Variants in AGPAT3 observed in about 807,000 individuals in gnomAD.
AGPAT3 encodes the protein 1-acyl-sn-glycerol-3-phosphate acyltransferase gamma.
In AGPAT3, 5 loss-of-function variants were observed where a neutral mutation model predicts 47.3. The observed-to-expected ratio is 0.11, with a 90% CI of 0.06 to 0.22. The LOEUF is 0.22. Among genes scored for constraint, AGPAT3 ranks in the 10% least tolerant of loss-of-function variants. The pLI is 1.00. For synonymous variants in AGPAT3, 212 were observed against 208.3 expected, an observed-to-expected ratio of 1.02 and a Z score of -0.15; for missense variants, 315 against 493.0, an observed-to-expected ratio of 0.64 and a Z score of 3.42.
chr21:43,887,901 C>T (rs1272665122), intron 1 of AGPAT3, among the ~76,000 whole-genome samples: 2 of 152,214 alleles, frequency 1.3e-5, no homozygotes, highest in African/African-American at 4.8e-5. Flanking sequence ...TGAACTCCTG[C>T]CTCAGCCTCC....
chr21:43,882,578 A>G (rs1014124359), intron 1 of AGPAT3: 11 of 152,262 alleles, frequency 7.2e-5, no homozygotes, highest in African/African-American at 2.4e-4. Context: ...TTTGCATCAC[A>G]GTTGGAGTCA....
chr21:43,911,427 A>G (rs2086630775), intron 2 of AGPAT3, among the ~76,000 whole-genome samples: 1 of 152,274 alleles, frequency 6.6e-6, no homozygotes, highest in Non-Finnish European at 1.5e-5. Context: ...GGTCAGAAGC[A>G]GCCTGTCCAG....
rs1046171565 is a variant in AGPAT3 at position 43,922,101 on chromosome 21, G to C, written c.-49+18082G>C. The stretch of plus-strand genomic sequence containing the variant: ...GGGGGAGATTTTTTATAATGGAAAA[G>C]GTTTCCTTTTTTGGAAGTCACCTGG... On this transcript the variant is annotated intron_variant, in intron 2 of 9. Coordinates refer to ENST00000291572, the MANE Select transcript of AGPAT3 (RefSeq NM_020132.5). This position sits in a 1 kb window ranked among gnomAD's most constrained non-coding sequence, Gnocchi z 4.9. 2.6e-5 allele frequency among the ~76,000 whole-genome samples: 4 copies of C among 152,194 alleles called. No homozygotes were observed. Among genetic ancestry groups the C allele is most frequent in the African/African-American group, 7.2e-5 (3 of 41,456 alleles).
chr21:43,944,310 G>A (rs575389845), intron 2 of AGPAT3, among the ~76,000 whole-genome samples: 4 of 152,252 alleles, frequency 2.6e-5, no homozygotes, highest in Admixed American at 1.3e-4. Context: ...CCTGCATTGC[G>A]GCTGGGCAGG....
At chr21:43,968,208 A>G (rs1382414195) in intron 4 of AGPAT3, 93 bp downstream of exon 4, 9 of 452,362 alleles carry the variant, frequency 2.0e-5, no homozygotes, top group South Asian at 8.9e-5. Context: ...CGGGGTGAGC[A>G]GGGGGTCCCT....
intron 1 of AGPAT3, among the ~76,000 whole-genome samples, chr21:43,896,839 T>C (rs2086226640): frequency 6.6e-6 from 1 of 152,152 alleles, no homozygotes; most frequent in Non-Finnish European, 1.5e-5. Flanking sequence ...CATGTCTCTT[T>C]TATTTTTTTA....
chr21:43,979,965 T>C (rs919971221), intron 8 of AGPAT3, among the ~76,000 whole-genome samples: 10 of 152,102 alleles, frequency 6.6e-5, no homozygotes, highest in Admixed American at 2.6e-4. Flanking sequence ...AGCTCAGTGA[T>C]AACAGTCTCC....
intron 2 of AGPAT3, among the ~76,000 whole-genome samples, chr21:43,935,537 C>T (rs2087415752): frequency 1.3e-5 from 2 of 152,256 alleles, no homozygotes; most frequent in Admixed American, 6.5e-5. Flanking sequence ...AGGGCGGCCT[C>T]TGCACGCAGT....
chr21:43,909,916 G>A, intron 2 of AGPAT3, among the ~76,000 whole-genome samples: 1 of 152,198 alleles, frequency 6.6e-6, no homozygotes, highest in East Asian at 1.9e-4. Context: ...CCTCATCATG[G>A]AGAGGGTGGT....
At chr21:43,980,133 T>A (rs2089785857) in intron 8 of AGPAT3, among the ~76,000 whole-genome samples, 1 of 151,120 alleles carries the variant, frequency 6.6e-6, no homozygotes, top group South Asian at 2.1e-4. Flanking sequence ...ATACAAAAAT[T>A]AGCGCAGTAG....
intron 2 of AGPAT3, among the ~76,000 whole-genome samples, chr21:43,928,109 A>G (rs2087117359): frequency 6.6e-6 from 1 of 152,068 alleles, no homozygotes; most frequent in African/African-American, 2.4e-5. Context: ...CGCAGCAGAA[A>G]CGGAATAACC....
At chr21:43,918,108 TTG>T (rs1447100471) in intron 2 of AGPAT3, among the ~76,000 whole-genome samples, 3 of 130,368 alleles carry the variant, frequency 2.3e-5, no homozygotes, top group Non-Finnish European at 3.2e-5. Context: ...GTTGTGGGTG[TTG>T]TGTTATGGGT....
intron 4 of AGPAT3, among the ~76,000 whole-genome samples, chr21:43,968,864 C>T (rs2146751699): frequency 6.6e-6 from 1 of 152,290 alleles, no homozygotes; most frequent in East Asian, 1.9e-4. Flanking sequence ...GGAAGCCTGG[C>T]AGCCTCTGCA....
At chr21:43,936,508 T>C (rs2087453748) in intron 2 of AGPAT3, among the ~76,000 whole-genome samples, 1 of 152,256 alleles carries the variant, frequency 6.6e-6, no homozygotes, top group Non-Finnish European at 1.5e-5. Flanking sequence ...TGTCTCCTCA[T>C]GTACAAGGAT....
intron 1 of AGPAT3, among the ~76,000 whole-genome samples, chr21:43,884,723 TCTGGTGCTGGATGCTGGGTGGC>T (rs1224258862): frequency 6.7e-6 from 1 of 148,882 alleles, no homozygotes; most frequent in Non-Finnish European, 1.5e-5. Flanking sequence ...TGCTGGGTGG[TCTGGTGCTGGATGCTGGGTGGC>T]CTGGTGCTGG....
chr21:43,900,450 G>A (rs1289112945), intron 1 of AGPAT3, among the ~76,000 whole-genome samples: 1 of 152,200 alleles, frequency 6.6e-6, no homozygotes, highest in Non-Finnish European at 1.5e-5. Flanking sequence ...GGCCTCAGTA[G>A]CCCAGCGTGT....
intron 2 of AGPAT3, among the ~76,000 whole-genome samples, chr21:43,915,114 A>C (rs2086699307): frequency 6.6e-6 from 1 of 152,100 alleles, no homozygotes; most frequent in Non-Finnish European, 1.5e-5. Context: ...GCTGGAGTGC[A>C]GTGATGCAGT....
At chr21:43,904,699 C>T (rs1453360938) in intron 2 of AGPAT3, among the ~76,000 whole-genome samples, 1 of 152,184 alleles carries the variant, frequency 6.6e-6, no homozygotes, top group Non-Finnish European at 1.5e-5. Flanking sequence ...CATAGGGCCC[C>T]TGCCCACTGC....
At chr21:43,902,969 C>G (rs1478722045) in intron 1 of AGPAT3, among the ~76,000 whole-genome samples, 1 of 152,126 alleles carries the variant, frequency 6.6e-6, no homozygotes, top group Non-Finnish European at 1.5e-5. Context: ...CACGGCGACT[C>G]CAGCCTGGGT....
Sources: allele counts gnomAD v4.1 joint callset (sites outside exome capture counted in the v4.1 genomes callset), GRCh38; gene constraint gnomAD v4.1.1; non-coding constraint Gnocchi (gnomAD v3.1); transcripts MANE v1.5; gene names NCBI Gene and HGNC (gene_info 2026-07-23, HGNC 2026-07-21).